Variants in SUCO observed in about 807,000 individuals in gnomAD.
SUCO encodes SUN domain-containing ossification factor.
A neutral mutation model predicts 148.1 loss-of-function variants in SUCO; 57 were observed. The ratio of observed to expected loss-of-function variants is 0.38; its 90% confidence interval spans 0.31 to 0.48. The LOEUF is 0.48. Ranked by LOEUF, SUCO falls within the 20% of genes least tolerant of loss-of-function variation. The pLI is 0.96. For missense variants in SUCO, 1,331 were observed against 1,468.2 expected (o/e 0.91, Z 1.53); for synonymous variants, 470 against 502.7 (o/e 0.93, Z 0.87).
In SUCO at chr1:172,577,542, TTCA is replaced by T; in HGVS notation, c.1271_1273del (p.Ile424del). The T allele has an allele frequency of 6.2e-7, 1 of 1,610,772 alleles. No individual in the cohort carries two copies. Among genetic ancestry groups the T allele is most frequent in the Non-Finnish European group, 8.5e-7 (1 of 1,178,590 alleles). ...CTTTTCCTTTCTCTTGCTTCAGATG[TTCA>T]TCAAGTACATAAAGGTTAGCAACCT... On this transcript the variant is annotated inframe_deletion, in exon 12 of 24. Coordinates refer to ENST00000263688, the MANE Select transcript of SUCO (RefSeq NM_014283.5).
At chr1:172,580,171 T>C (rs199565198) in intron 15 of SUCO, among the ~76,000 whole-genome samples, 3 of 152,134 alleles carry the variant, frequency 2.0e-5, no homozygotes, top group Admixed American at 1.3e-4. Flanking sequence ...TTTCTTTCTT[T>C]CCTTTCTTTT....
In SUCO at chr1:172,575,504, C is replaced by T; in HGVS notation, c.1158-14C>T. 6.5e-7 allele frequency: 1 copy of T among 1,548,684 alleles called. No individual in the cohort carries two copies. Among genetic ancestry groups the T allele is most frequent in the Non-Finnish European group, 8.9e-7 (1 of 1,125,012 alleles). ...ATAATTTTTAAAAAAGAACATATTGCTTATATTTTTTAGATATCCAACAAA... is the reference window on the plus strand; with the variant it reads ...ATAATTTTTAAAAAAGAACATATTGTTTATATTTTTTAGATATCCAACAAA... On this transcript the variant is annotated splice_polypyrimidine_tract_variant and intron_variant, in intron 10 of 23. Coordinates refer to ENST00000263688, the MANE Select transcript of SUCO (RefSeq NM_014283.5).
In SUCO at chr1:172,556,018, G is replaced by A. The variant is rs114570278; in HGVS notation, c.438G>A (p.Lys146=). The part of the protein sequence containing the change: ...SSTSEITPIS[K]LDEIEKSGTI... ...CCTCAGAAATCACTCCAATCTCAAA[G>A]CTTGAGTAAGTTGTTACAAAAAACA... is the stretch of plus-strand genomic sequence containing the variant. The change falls in exon 4 of 24, where the codon AAG becomes AAA. Residue 146 remains lysine (K), a synonymous_variant. Transcript: ENST00000263688. The A allele has an allele frequency of 4.9e-3, 7,866 of 1,607,624 alleles. 33 individuals are homozygous for A. Among genetic ancestry groups the A allele is most frequent in the Non-Finnish European group, 6.0e-3 (7,056 of 1,176,708 alleles).
intron 19 of SUCO, among the ~76,000 whole-genome samples, chr1:172,591,817 A>G (rs1439481046): frequency 6.6e-6 from 1 of 152,114 alleles, no homozygotes; most frequent in East Asian, 1.9e-4. Flanking sequence ...GCTGGGTCAA[A>G]TGGTATTTCT....
At chr1:172,536,263 A>G (rs1448038561) in intron 1 of SUCO, among the ~76,000 whole-genome samples, 2 of 148,546 alleles carry the variant, frequency 1.3e-5, no homozygotes, top group South Asian at 2.1e-4. Flanking sequence ...AGTACTTTAT[A>G]GGTCAGAGGC....
Position 172,585,910 on chromosome 1 carries a change from T to G in SUCO, c.1620T>G (p.Pro540=), listed in dbSNP as rs1338718146. 2.5e-6 allele frequency: 4 copies of G among 1,611,068 alleles called. No homozygotes were observed. The highest frequency in any genetic ancestry group is 3.4e-6 in the Non-Finnish European group (4 of 1,178,600). ...NATATAAPKM[P]ESTPVSTPVP... ...CTGCCACAGCTGCACCTAAAATGCC[T>G]GAATCAACTCCTGTTTCAACTCCTG... The change falls in exon 17 of 24, where the codon CCT becomes CCG. Residue 540 remains proline, a synonymous_variant. Transcript: ENST00000263688.
chr1:172,554,291 G>A (rs140046113), intron 3 of SUCO, among the ~76,000 whole-genome samples: 8 of 152,192 alleles, frequency 5.3e-5, no homozygotes, highest in South Asian at 2.1e-4. Flanking sequence ...CACTCCTACC[G>A]TTATTCATAA....
chr1:172,559,226 A>G (rs983543813), intron 6 of SUCO, among the ~76,000 whole-genome samples: 1 of 152,216 alleles, frequency 6.6e-6, no homozygotes. Flanking sequence ...TAGACAGTGC[A>G]TTACAAAGTG....
At chr1:172,598,832 TA>T (rs1657300656) in intron 19 of SUCO, among the ~76,000 whole-genome samples, 1 of 152,212 alleles carries the variant, frequency 6.6e-6, no homozygotes, top group Non-Finnish European at 1.5e-5. Context: ...AGAAACAATT[TA>T]AAAAGTCACA....
intron 1 of SUCO, chr1:172,550,732 T>A: frequency 5.1e-6 from 1 of 194,998 alleles, no homozygotes; most frequent in Non-Finnish European, 9.3e-6. Context: ...ATATGTATTT[T>A]CCATGTTAAA....
intron 1 of SUCO, among the ~76,000 whole-genome samples, chr1:172,546,089 C>T (rs1376427950): frequency 6.6e-6 from 1 of 152,134 alleles, no homozygotes; most frequent in Non-Finnish European, 1.5e-5. Flanking sequence ...GTGTGCGCCA[C>T]CATGCCTGGC....
At chr1:172,577,441 C>G (rs1053153814) in intron 11 of SUCO, 98 bp from the exon 12 acceptor site, 30 of 1,174,314 alleles carry the variant, frequency 2.6e-5, no homozygotes, top group Non-Finnish European at 3.5e-5. Context: ...ACTCTCTATA[C>G]TTTATACAAC....
At chr1:172,556,645 G>C (rs1653780735) in intron 4 of SUCO, 1 of 984,902 alleles carries the variant, frequency 1.0e-6, no homozygotes, top group Admixed American at 6.2e-5. Flanking sequence ...AAGAATGTAA[G>C]GGCCTGGGTT....
chr1:172,545,271 G>A (rs1239969698), intron 1 of SUCO, among the ~76,000 whole-genome samples: 1 of 152,164 alleles, frequency 6.6e-6, no homozygotes, highest in East Asian at 1.9e-4. Context: ...CATTAAGGTA[G>A]GGTATCACAG....
rs188802601 is a variant in SUCO, at chr1:172,609,357, G to A, written c.3322-459G>A. On this transcript the variant is annotated intron_variant, in intron 23 of 23. Transcript: ENST00000263688. ...ATTTCATCTAGGTGAAAGAACTTGG[G>A]CTTTGTAGGCAAATAGCCTAAGATT... 63 of 983,374 alleles carry A rather than the reference G, an allele frequency of 6.4e-5. No homozygotes were observed. The East Asian group carries it at 6.6e-3, about 103-fold the overall frequency. 60.9% of individuals were successfully genotyped at this position (983,374 alleles called of 1,614,324 possible). A position where few individuals can be genotyped will look rare whatever the true frequency, so the allele number is the denominator to read the frequency against.
At chr1:172,590,916 T>C in intron 18 of SUCO, 68 bp from the exon 19 acceptor site, 1 of 1,097,450 alleles carries the variant, frequency 9.1e-7, no homozygotes, top group Admixed American at 2.1e-5. Context: ...AAATCAGAAG[T>C]ATGTTTCCAT....
chr1:172,572,093 G>C (rs1205521276), intron 9 of SUCO, among the ~76,000 whole-genome samples: 1 of 92,868 alleles, frequency 1.1e-5, no homozygotes, highest in Non-Finnish European at 2.2e-5. Context: ...GTCAGCCCCC[G>C]CCTGGCAAGC....
At chr1:172,562,865 A>T (rs1420932749) in intron 6 of SUCO, among the ~76,000 whole-genome samples, 1 of 152,118 alleles carries the variant, frequency 6.6e-6, no homozygotes, top group African/African-American at 2.4e-5. Flanking sequence ...GAGCGGCCAG[A>T]TGGGAGGTGA....
chr1:172,602,629 C>T, intron 21 of SUCO, 67 bp from the exon 22 acceptor site: 3 of 1,581,488 alleles, frequency 1.9e-6, no homozygotes, highest in South Asian at 1.2e-5. Flanking sequence ...TGTGTAGCCT[C>T]AACAAAAGAG....
Sources: gnomAD v4.1 joint callset for allele counts (sites outside exome capture counted in the v4.1 genomes callset) on GRCh38, gnomAD v4.1.1 for gene constraint, MANE v1.5 for transcripts, NCBI Gene and HGNC (gene_info 2026-07-23, HGNC 2026-07-21) for gene names.